MED12L: variants seen among roughly 807,000 people sequenced by gnomAD.
The protein encoded by MED12L is mediator of RNA polymerase II transcription subunit 12-like protein.
MED12L carries 60 observed loss-of-function variants against 281.3 expected under a neutral mutation model. The ratio of observed to expected loss-of-function variants is 0.21; its 90% CI spans 0.17 to 0.26. The LOEUF (loss-of-function observed/expected upper bound fraction) is 0.26, where lower values mean the gene tolerates loss of function less well. Among genes scored for constraint, MED12L ranks in the 10% least tolerant of loss-of-function variants. The pLI is 1.00. For missense variants in MED12L, 2,146 were observed against 2,680.9 expected, an observed-to-expected ratio of 0.80 and a Z score of 4.41; for synonymous variants, 974 against 987.2, an observed-to-expected ratio of 0.99 and a Z score of 0.25.
chr3:151,309,609 C>T (rs571180642), intron 16 of MED12L, among the ~76,000 whole-genome samples: 3 of 152,348 alleles, frequency 2.0e-5, no homozygotes, highest in Admixed American at 2.0e-4. Context: ...TGTAACTCAT[C>T]TGCCTCCTCT....
intron 16 of MED12L, among the ~76,000 whole-genome samples, chr3:151,296,065 G>T (rs563318010): frequency 6.6e-6 from 1 of 152,192 alleles, no homozygotes; most frequent in African/African-American, 2.4e-5. Flanking sequence ...TGCTGATTTT[G>T]TTTTCTCATT....
At position 151,220,512 on chromosome 3, in the gene MED12L, C is replaced by T. The variant is rs74769835; in HGVS notation, c.2250+26846C>T. Among the ~76,000 whole-genome samples, 925 of 152,218 alleles carry T rather than the reference C, an allele frequency of 6.1e-3. 50 individuals are homozygous for T. The East Asian group carries it at 0.14, about 23-fold the overall frequency. On this transcript the variant is annotated intron_variant, in intron 16 of 44. Coordinates refer to ENST00000687756, the MANE Select transcript of MED12L (RefSeq NM_001393769.1). ...CCCACCAAAATCTCATCTTGTAGCT[C>T]CCGTAATACCCACATGTTGTGGAAG...
intron 11 of MED12L, among the ~76,000 whole-genome samples, chr3:151,174,156 G>A (rs1721769274): frequency 6.6e-6 from 1 of 152,104 alleles, no homozygotes; most frequent in Non-Finnish European, 1.5e-5. Flanking sequence ...GCATCAGGTT[G>A]GTCTTCAGAA....
Position 151,357,396 on chromosome 3 carries a change from T to C in MED12L, c.2825+20T>C. 6.5e-7 allele frequency: 1 copy of C among 1,542,502 alleles called. No individual in the cohort carries two copies. Among genetic ancestry groups the C allele is most frequent in the Non-Finnish European group, 8.7e-7 (1 of 1,142,998 alleles). ...TGAAGGGTTGGTATATAGCATGTCATTGTTGTTTTTCCAATCTCAGAATGT... is the reference window on the plus strand; with the variant it reads ...TGAAGGGTTGGTATATAGCATGTCACTGTTGTTTTTCCAATCTCAGAATGT... On this transcript the variant is annotated intron_variant, in intron 20 of 44. Coordinates refer to ENST00000687756, the MANE Select transcript of MED12L (RefSeq NM_001393769.1).
At chr3:151,291,053 A>T (rs1266007003) in intron 16 of MED12L, among the ~76,000 whole-genome samples, 1 of 151,876 alleles carries the variant, frequency 6.6e-6, no homozygotes, top group Non-Finnish European at 1.5e-5. Flanking sequence ...GCGTGTGCTT[A>T]GTATTTATTG....
chr3:151,171,794 C>T (rs958451832), intron 11 of MED12L, among the ~76,000 whole-genome samples: 3 of 152,202 alleles, frequency 2.0e-5, no homozygotes, highest in African/African-American at 4.8e-5. Context: ...TTCACCACCA[C>T]GATCCAGAGG....
intron 30 of MED12L, 26 bp from the exon 31 acceptor site, chr3:151,377,986 G>C (rs372921912): frequency 1.9e-6 from 3 of 1,559,166 alleles, no homozygotes; most frequent in Admixed American, 3.6e-5. Context: ...TGCTTTCTCC[G>C]GTGTAACACC....
At chr3:151,242,528 G>A (rs1734408119) in intron 16 of MED12L, among the ~76,000 whole-genome samples, 1 of 152,252 alleles carries the variant, frequency 6.6e-6, no homozygotes, top group African/African-American at 2.4e-5. Flanking sequence ...ACACAGCAGG[G>A]TATTCCAACA....
chr3:151,143,275 G>C (rs957068722), intron 5 of MED12L, among the ~76,000 whole-genome samples: 1 of 152,162 alleles, frequency 6.6e-6, no homozygotes, highest in Admixed American at 6.5e-5. Context: ...ACTCTTAGCT[G>C]TCTAAAGCTT....
At chr3:151,426,955 T>A (rs1718945532) in intron 43 of MED12L, among the ~76,000 whole-genome samples, 1 of 151,938 alleles carries the variant, frequency 6.6e-6, no homozygotes, top group Non-Finnish European at 1.5e-5. Flanking sequence ...ATAGCTGAAC[T>A]ACAGGCATGC....
intron 16 of MED12L, among the ~76,000 whole-genome samples, chr3:151,318,353 C>G (rs1748559873): frequency 1.2e-5 from 1 of 80,180 alleles, no homozygotes; most frequent in South Asian, 5.6e-4. Context: ...AGTTTCTTTT[C>G]TTTTCTTCTT....
Position 151,369,476 on chromosome 3 carries a change from C to A in MED12L, c.3591C>A (p.His1197Gln). 1 of 1,611,742 alleles carries A rather than the reference C, an allele frequency of 6.2e-7. No individual in the cohort carries two copies. The highest frequency in any genetic ancestry group is 8.5e-7 in the Non-Finnish European group (1 of 1,178,622). The part of the protein sequence containing the change: ...FPGIRSSCDR[H>Q]LLAAAHNSIE... ...GAATAAGATCATCTTGTGATAGACACCTCTTAGCCGCTGCTCACAACAGCA... is the reference window on the plus strand; with the variant it reads ...GAATAAGATCATCTTGTGATAGACAACTCTTAGCCGCTGCTCACAACAGCA... The change falls in exon 26 of 45, where the codon CAC (histidine) becomes CAA (glutamine). Residue 1197 changes from histidine (H) to glutamine (Q), a missense_variant. Physicochemically the swap from His to Gln is conservative, Grantham distance 24. This residue lies in a region of MED12L where 404 missense variants were observed against 603.5 expected (regional missense o/e 0.67). Transcript: ENST00000687756.
At chr3:151,193,939 A>T (rs1724298583) in intron 16 of MED12L, among the ~76,000 whole-genome samples, 1 of 149,138 alleles carries the variant, frequency 6.7e-6, no homozygotes, top group Admixed American at 6.7e-5. Context: ...ACTGCAGGTG[A>T]TGTCTAAATG....
At chr3:151,341,331 T>G (rs1425499397) in intron 16 of MED12L, among the ~76,000 whole-genome samples, 1 of 152,156 alleles carries the variant, frequency 6.6e-6, no homozygotes, top group Non-Finnish European at 1.5e-5. Flanking sequence ...GAGAAGTGAT[T>G]GTATCCATTG....
intron 11 of MED12L, among the ~76,000 whole-genome samples, chr3:151,176,086 AC>A (rs1722012067): frequency 6.6e-6 from 1 of 152,136 alleles, no homozygotes; most frequent in African/African-American, 2.4e-5. Context: ...CACAGTGTGG[AC>A]CCCTGTCCCA....
rs1248046463 is a variant in MED12L at position 151,138,697 on chromosome 3, G to A, written c.556+10713G>A. ...ATATTTTTCTTATGGTTAGACCAGG[G>A]TTACAGAAGTCAAATGTCATTCTCA... On this transcript the variant is annotated intron_variant, in intron 5 of 44. Transcript: ENST00000687756. Among the ~76,000 whole-genome samples, 3 of 152,192 alleles carry A rather than the reference G, an allele frequency of 2.0e-5. No homozygotes were observed. In the East Asian group the frequency reaches 5.8e-4, roughly 29 times the overall value.
chr3:151,294,853 G>A, intron 16 of MED12L: 1 of 1,613,998 alleles, frequency 6.2e-7, no homozygotes. Flanking sequence ...TCAGCCCAAG[G>A]AACACGATGG....
chr3:151,108,373 C>T (rs1190655714), intron 2 of MED12L, among the ~76,000 whole-genome samples: 2 of 152,142 alleles, frequency 1.3e-5, no homozygotes, highest in Non-Finnish European at 2.9e-5. Flanking sequence ...CTTCCCTTAT[C>T]TTCCAGGTCT....
At chr3:151,358,649 T>C (rs1311147564) in intron 20 of MED12L, among the ~76,000 whole-genome samples, 1 of 152,220 alleles carries the variant, frequency 6.6e-6, no homozygotes, top group Non-Finnish European at 1.5e-5. Flanking sequence ...ATTTTTATCC[T>C]GTTAAATATT....
Sources: gnomAD v4.1 joint callset for allele counts (sites outside exome capture counted in the v4.1 genomes callset) on GRCh38, gnomAD v4.1.1 for gene constraint, gnomAD v4.1.1 regional missense constraint, MANE v1.5 for transcripts, NCBI Gene and HGNC (gene_info 2026-07-23, HGNC 2026-07-21) for gene names.